Variants in MINK1 observed in about 807,000 individuals in gnomAD.
MINK1 encodes misshapen-like kinase 1.
Under a neutral mutation model 178.4 loss-of-function variants are expected in MINK1, and 46 were observed. The ratio of observed to expected loss-of-function variants is 0.26; its 90% CI spans 0.20 to 0.33. The LOEUF (loss-of-function observed/expected upper bound fraction) is 0.33. Ranked by LOEUF, MINK1 falls within the 10% of genes least tolerant of loss-of-function variation. The probability of loss-of-function intolerance (pLI) is 1.00; values close to 1 mark genes in which losing one functional copy is unlikely to be tolerated. For synonymous variants in MINK1, 797 were observed against 709.7 expected, an observed-to-expected ratio of 1.12 and a Z score of -1.96; for missense variants, 1,366 against 1,814.9, an observed-to-expected ratio of 0.75 and a Z score of 4.49.
chr17:4,896,848 C>G lies in MINK1; in HGVS notation c.3915+35C>G. 1 of 1,535,010 alleles carries G rather than the reference C, an allele frequency of 6.5e-7. No homozygotes were observed. The highest frequency in any genetic ancestry group is 8.8e-7 in the Non-Finnish European group (1 of 1,142,160). On this transcript the variant is annotated intron_variant, in intron 31 of 31. Transcript: ENST00000355280. This position sits in a 1 kb window ranked among gnomAD's most constrained non-coding sequence, Gnocchi z 4.6. ...TCCTTCCCTCTGAAAGCCCTGCTGTCCCGGCTGCCATGACCCTAGGCCCCT... is the reference window on the plus strand; with the variant it reads ...TCCTTCCCTCTGAAAGCCCTGCTGTGCCGGCTGCCATGACCCTAGGCCCCT...
At chr17:4,851,603 TC>T (rs1196645218) in intron 1 of MINK1, among the ~76,000 whole-genome samples, 1 of 152,074 alleles carries the variant, frequency 6.6e-6, no homozygotes, top group Non-Finnish European at 1.5e-5. Context: ...CGAGAAGCCT[TC>T]CCTTCATCTC....
Position 4,886,405 on chromosome 17 carries a change from T to A in MINK1, c.774-46T>A, listed in dbSNP as rs1427702710. Reference sequence around the variant, plus strand: ...ATCCACCCTCTTCCTCCTGCACCCATCCCTTCTGAGGGGACCCTCCCAGTG... The same window carrying A: ...ATCCACCCTCTTCCTCCTGCACCCAACCCTTCTGAGGGGACCCTCCCAGTG... On this transcript the variant is annotated intron_variant, in intron 9 of 31. Transcript: ENST00000355280. The surrounding 1 kb of genome is among the most constrained non-coding windows in gnomAD (Gnocchi z 6.1). 1.3e-6 allele frequency: 2 copies of A among 1,572,252 alleles called. No homozygotes were observed. Among genetic ancestry groups the A allele is most frequent in the Non-Finnish European group, 8.6e-7 (1 of 1,156,140 alleles).
At chr17:4,850,525 C>CA (rs549352310) in intron 1 of MINK1, among the ~76,000 whole-genome samples, 62 of 150,808 alleles carry the variant, frequency 4.1e-4, no homozygotes, top group African/African-American at 1.3e-3. Context: ...GCTGGCCCCC[C>CA]CCGCCCTCTA....
Position 4,890,635 on chromosome 17 carries a change from A to C in MINK1, c.1466A>C (p.Gln489Pro). Reference protein sequence around the residue: ...LQQQQQQQQLQKQQQQQLLPG... With the variant: ...LQQQQQQQQLPKQQQQQLLPG... ...CAGCAGCAACAGCAGCAGCAGCTTC[A>C]GAAACAGCAGCAGCAGCAGCTCCTG... The change falls in exon 14 of 32, where the codon CAG becomes CCG. Residue 489 changes from glutamine to proline, a missense_variant. Gln to Pro is a moderately conservative substitution (Grantham distance 76, BLOSUM62 -1). Coordinates refer to ENST00000355280, the MANE Select transcript of MINK1 (RefSeq NM_153827.5). The C allele has an allele frequency of 6.4e-7, 1 of 1,554,924 alleles. No individual in the cohort carries two copies. Among genetic ancestry groups the C allele is most frequent in the African/African-American group, 1.4e-5 (1 of 73,284 alleles).
intron 4 of MINK1, among the ~76,000 whole-genome samples, chr17:4,881,852 C>T (rs1381238179): frequency 1.3e-5 from 2 of 152,276 alleles, no homozygotes; most frequent in African/African-American, 4.8e-5. Context: ...CATGTTCCCC[C>T]AGCCTCACCC....
chr17:4,896,894 G>T lies in MINK1; in HGVS notation c.3915+81G>T. On this transcript the variant is annotated intron_variant, in intron 31 of 31. Transcript: ENST00000355280. The surrounding 1 kb of genome is among the most constrained non-coding windows in gnomAD (Gnocchi z 4.6). The stretch of plus-strand genomic sequence containing the variant: ...CCCCTGGGCAGAGTTCTGGGGAGAG[G>T]ATGGTGGTGGTGGCTTCCTGAAAGC... The T allele has an allele frequency of 6.8e-7, 1 of 1,479,840 alleles. No homozygotes were observed. The highest frequency in any genetic ancestry group is 9.0e-7 in the Non-Finnish European group (1 of 1,115,608). 91.7% of individuals were successfully genotyped at this position (1,479,840 alleles called of 1,614,324 possible).
intron 1 of MINK1, chr17:4,847,228 C>G: frequency 2.2e-6 from 1 of 458,198 alleles, no homozygotes; most frequent in South Asian, 1.6e-5. Flanking sequence ...GTTTTGGTTC[C>G]AGTTCATTCA....
At chr17:4,893,349 G>C (rs201288883) in intron 20 of MINK1, 85 bp from the exon 21 acceptor site, 4 of 1,613,150 alleles carry the variant, frequency 2.5e-6, no homozygotes, top group Non-Finnish European at 3.4e-6. Context: ...CCCTCCTGTC[G>C]CCCTGCTGGG....
At chr17:4,837,621 C>A (rs143257257) in intron 1 of MINK1, among the ~76,000 whole-genome samples, 14 of 152,326 alleles carry the variant, frequency 9.2e-5, no homozygotes, top group African/African-American at 2.6e-4. Context: ...TGGCTTCTCA[C>A]AAAGGATAAA....
chr17:4,841,310 G>T (rs1372490522), intron 1 of MINK1, among the ~76,000 whole-genome samples: 1 of 152,140 alleles, frequency 6.6e-6, no homozygotes, highest in Non-Finnish European at 1.5e-5. Flanking sequence ...ACAAAGAATG[G>T]GAAATTTCTC....
Position 4,895,278 on chromosome 17 carries a change from C to T in MINK1, c.3085+36C>T, listed in dbSNP as rs376627297. 53 of 1,611,660 alleles carry T rather than the reference C, an allele frequency of 3.3e-5. No individual in the cohort carries two copies. The highest frequency in any genetic ancestry group is 2.1e-4 in the South Asian group (19 of 90,894). Reference sequence around the variant, plus strand: ...GCAGGGACAGCTGAGGAGGCTCTGGCGTGGCTCTTGTGCTCCTGGTTAGGT... The same window carrying T: ...GCAGGGACAGCTGAGGAGGCTCTGGTGTGGCTCTTGTGCTCCTGGTTAGGT... On this transcript the variant is annotated intron_variant, in intron 25 of 31. Coordinates refer to ENST00000355280, the MANE Select transcript of MINK1 (RefSeq NM_153827.5). This position sits in a 1 kb window ranked among gnomAD's most constrained non-coding sequence, Gnocchi z 4.3.
chr17:4,890,842 GAGCACAC>G, intron 14 of MINK1, 102 bp from the exon 15 acceptor site: 1 of 1,517,088 alleles, frequency 6.6e-7, no homozygotes, highest in Non-Finnish European at 8.9e-7. Context: ...TAGGGGAAAG[GAGCACAC>G]AGCACAGAGC....
chr17:4,869,586 C>T (rs936072826), intron 1 of MINK1, among the ~76,000 whole-genome samples: 18 of 151,760 alleles, frequency 1.2e-4, no homozygotes, highest in African/African-American at 4.4e-4. Context: ...GATTTTTTCT[C>T]TTTTGGATAT....
chr17:4,869,538 A>G (rs1915581291), intron 1 of MINK1, among the ~76,000 whole-genome samples: 1 of 151,896 alleles, frequency 6.6e-6, no homozygotes, highest in Admixed American at 6.6e-5. Flanking sequence ...CGGCCTCCCA[A>G]AGTGCTCACA....
Position 4,896,801 on chromosome 17 carries a change from G to A in MINK1, c.3903G>A (p.Glu1301=). The A allele has an allele frequency of 1.3e-6, 2 of 1,567,042 alleles. No individual in the cohort carries two copies. The highest frequency in any genetic ancestry group is 2.4e-5 in the South Asian group (2 of 82,882). The change falls in exon 31 of 32, where the codon GAG becomes GAA. Residue 1301 remains glutamate (E), a synonymous_variant. Transcript: ENST00000355280. This position sits in a 1 kb window ranked among gnomAD's most constrained non-coding sequence, Gnocchi z 4.6. The part of the protein sequence containing the change: ...KRAQRLKFLC[E]RNDKVFFASV... ...CTCAGAGGCTCAAGTTCCTGTGTGAGCGGAATGACAAGGTGGGAGGCTCCT... is the reference window on the plus strand; with the variant it reads ...CTCAGAGGCTCAAGTTCCTGTGTGAACGGAATGACAAGGTGGGAGGCTCCT...
Position 4,885,136 on chromosome 17 carries a change from T to A in MINK1, c.508+134T>A. ...GAGGCTCACTCCCTCCCCTTTCCCC[T>A]CTCCCCCTGGAATGCCCTGCCTCCT... On this transcript the variant is annotated intron_variant, in intron 6 of 31. Transcript: ENST00000355280. This position sits in a 1 kb window ranked among gnomAD's most constrained non-coding sequence, Gnocchi z 5.0. The A allele has an allele frequency of 1.2e-6, 1 of 814,454 alleles. No homozygotes were observed. Among genetic ancestry groups the A allele is most frequent in the South Asian group, 1.7e-5 (1 of 59,070 alleles). The allele number at this position is 814,454 out of a possible 1,614,324, so 50.5% of individuals were successfully genotyped here. A position where few individuals can be genotyped will look rare whatever the true frequency, so the allele number is the denominator to read the frequency against.
intron 1 of MINK1, among the ~76,000 whole-genome samples, chr17:4,841,334 C>T (rs2080612761): frequency 6.6e-6 from 1 of 152,096 alleles, no homozygotes; most frequent in Non-Finnish European, 1.5e-5. Context: ...CCGTCTTGTT[C>T]CAGGAACCAC....
Position 4,896,629 on chromosome 17 carries a change from G to A in MINK1, c.3775+41G>A, listed in dbSNP as rs753175263. 16 of 1,611,362 alleles carry A rather than the reference G, an allele frequency of 9.9e-6. No homozygotes were observed. Among genetic ancestry groups the A allele is most frequent in the South Asian group, 4.4e-5 (4 of 90,870 alleles). ...CCCTCCCAGCCACATGCCCCGAGGT[G>A]GCCCCGGGGTGCAGCCTGCTCAGCC... On this transcript the variant is annotated intron_variant, in intron 30 of 31. Coordinates refer to ENST00000355280, the MANE Select transcript of MINK1 (RefSeq NM_153827.5). The surrounding 1 kb of genome is among the most constrained non-coding windows in gnomAD (Gnocchi z 4.6).
At position 4,891,853 on chromosome 17, in the gene MINK1, G is replaced by T. The variant is rs563042448; in HGVS notation, c.2001+137G>T. Reference sequence around the variant, plus strand: ...AAAGCCAGGGCGCTGCCCTGCCGGGGTCAGCCGTCCAGCTGAGGACGCGAC... The same window carrying T: ...AAAGCCAGGGCGCTGCCCTGCCGGGTTCAGCCGTCCAGCTGAGGACGCGAC... On this transcript the variant is annotated intron_variant, in intron 16 of 31. Coordinates refer to ENST00000355280, the MANE Select transcript of MINK1 (RefSeq NM_153827.5). The T allele has an allele frequency of 6.9e-6, 9 of 1,298,024 alleles. No individual in the cohort carries two copies. The South Asian group carries it at 1.1e-4, about 16-fold the overall frequency. The allele number at this position is 1,298,024 out of a possible 1,614,324, so 80.4% of individuals were successfully genotyped here.
Sources: allele counts gnomAD v4.1 joint callset (sites outside exome capture counted in the v4.1 genomes callset), GRCh38; gene constraint gnomAD v4.1.1; non-coding constraint Gnocchi (gnomAD v3.1); transcripts MANE v1.5; gene names NCBI Gene and HGNC (gene_info 2026-07-23, HGNC 2026-07-21).